Variants in KCNIP4 observed in about 807,000 individuals in gnomAD.
The protein encoded by KCNIP4 is potassium voltage-gated channel interacting protein 4, also known as Kv channel-interacting protein 4.
Under a neutral mutation model 34.0 loss-of-function variants are expected in KCNIP4, and 12 were observed. The observed-to-expected ratio is 0.35, with a 90% confidence interval of 0.23 to 0.57. The LOEUF is 0.57. Ranked by LOEUF, KCNIP4 falls within the 20% of genes least tolerant of loss-of-function variation. The pLI, the probability that KCNIP4 is intolerant of heterozygous loss-of-function variation, is 0.83. For synonymous variants in KCNIP4, 124 were observed against 102.2 expected, an observed-to-expected ratio of 1.21 and a Z score of -1.29; for missense variants, 238 against 311.7, an observed-to-expected ratio of 0.76 and a Z score of 1.78.
chr4:21,884,429 C>T (rs924829923), intron 1 of KCNIP4, among the ~76,000 whole-genome samples: 2 of 152,042 alleles, frequency 1.3e-5, no homozygotes, highest in Non-Finnish European at 2.9e-5. Context: ...TCTAGCCCCA[C>T]AGTTAGAGGC....
At chr4:21,454,763 C>G (rs73105836) in intron 1 of KCNIP4, among the ~76,000 whole-genome samples, 5,228 of 152,162 alleles carry the variant, frequency 0.034, 116 homozygotes, top group South Asian at 0.043. Context: ...TATTGATGCT[C>G]TCTTATTTTC....
chr4:20,863,655 A>G (rs1722446689), intron 2 of KCNIP4, among the ~76,000 whole-genome samples: 1 of 152,140 alleles, frequency 6.6e-6, no homozygotes, highest in Non-Finnish European at 1.5e-5. Context: ...ACGCCCAGGA[A>G]TGAACAAGGA....
intron 1 of KCNIP4, among the ~76,000 whole-genome samples, chr4:21,263,971 G>A (rs1156438636): frequency 6.7e-6 from 1 of 149,304 alleles, no homozygotes; most frequent in African/African-American, 2.4e-5. Flanking sequence ...ATATATACGT[G>A]TGTGTGTGTG....
intron 1 of KCNIP4, among the ~76,000 whole-genome samples, chr4:20,920,229 A>G (rs188277774): frequency 1.3e-5 from 2 of 152,166 alleles, no homozygotes; most frequent in African/African-American, 4.8e-5. Context: ...AAAACCATTC[A>G]TTTCACGTGA....
At chr4:21,254,540 T>A (rs1760929266) in intron 1 of KCNIP4, among the ~76,000 whole-genome samples, 1 of 152,214 alleles carries the variant, frequency 6.6e-6, no homozygotes, top group Non-Finnish European at 1.5e-5. Flanking sequence ...TATTTTTAAT[T>A]GACAAATAAA....
At chr4:21,583,176 A>C (rs1741363958) in intron 1 of KCNIP4, among the ~76,000 whole-genome samples, 1 of 151,986 alleles carries the variant, frequency 6.6e-6, no homozygotes, top group Admixed American at 6.6e-5. Flanking sequence ...GGATTTTACA[A>C]ATTAAGCATT....
intron 3 of KCNIP4, among the ~76,000 whole-genome samples, chr4:20,781,172 G>T (rs1157616): frequency 3.9e-5 from 6 of 152,098 alleles, no homozygotes; most frequent in South Asian, 4.1e-4. Context: ...AAGACCAGTC[G>T]GAAGATGAAA....
chr4:21,147,121 C>T (rs543409873), intron 1 of KCNIP4, among the ~76,000 whole-genome samples: 19 of 152,266 alleles, frequency 1.2e-4, no homozygotes, highest in Non-Finnish European at 4.4e-5. Flanking sequence ...CTAGGGAGTG[C>T]CTGGCCTGAG....
At chr4:21,738,605 A>G (rs888135961) in intron 1 of KCNIP4, among the ~76,000 whole-genome samples, 2 of 152,188 alleles carry the variant, frequency 1.3e-5, no homozygotes, top group Non-Finnish European at 2.9e-5. Flanking sequence ...CCTGCTTTTC[A>G]CAGTGTCTCT....
intron 1 of KCNIP4, among the ~76,000 whole-genome samples, chr4:21,551,103 G>T (rs1244018299): frequency 3.9e-5 from 6 of 152,012 alleles, no homozygotes; most frequent in Non-Finnish European, 8.8e-5. Flanking sequence ...AGAGAAAAAT[G>T]GAGATAGACG....
chr4:21,941,140 G>T (rs1037208457), intron 1 of KCNIP4, among the ~76,000 whole-genome samples: 2 of 152,020 alleles, frequency 1.3e-5, no homozygotes, highest in Non-Finnish European at 2.9e-5. Flanking sequence ...ATGTAGATCG[G>T]TTTAAGAGCT....
At chr4:20,740,417 C>T (rs1750782704) in intron 5 of KCNIP4, among the ~76,000 whole-genome samples, 1 of 152,084 alleles carries the variant, frequency 6.6e-6, no homozygotes, top group Non-Finnish European at 1.5e-5. Flanking sequence ...AGAGTGGGGG[C>T]CAATATTCAA....
intron 1 of KCNIP4, among the ~76,000 whole-genome samples, chr4:21,530,271 CTAGGT>C (rs1736566849): frequency 6.6e-6 from 1 of 152,088 alleles, no homozygotes; most frequent in African/African-American, 2.4e-5. Flanking sequence ...CTTTTGTTTC[CTAGGT>C]TATACAGCTC....
intron 5 of KCNIP4, among the ~76,000 whole-genome samples, chr4:20,736,777 T>A (rs1749728933): frequency 6.6e-6 from 1 of 152,230 alleles, no homozygotes; most frequent in Non-Finnish European, 1.5e-5. Flanking sequence ...AGACCTTTTT[T>A]AGCAAAAATG....
chr4:21,344,436 CAAAGGTCTTGG>C (rs907470819), intron 1 of KCNIP4, among the ~76,000 whole-genome samples: 12 of 151,970 alleles, frequency 7.9e-5, no homozygotes, highest in African/African-American at 2.7e-4. Context: ...TTGCAATAGC[CAAAGGTCTTGG>C]AAACCAAATT....
chr4:21,766,603 A>G (rs1164323164), intron 1 of KCNIP4, among the ~76,000 whole-genome samples: 1 of 152,164 alleles, frequency 6.6e-6, no homozygotes, highest in African/African-American at 2.4e-5. Flanking sequence ...TCATAGTTTA[A>G]AAAGTTCTTA....
At chr4:21,207,530 T>C (rs973164408) in intron 1 of KCNIP4, among the ~76,000 whole-genome samples, 1 of 152,228 alleles carries the variant, frequency 6.6e-6, no homozygotes, top group African/African-American at 2.4e-5. Context: ...AACCATCTAG[T>C]AGTCTTAGGC....
intron 1 of KCNIP4, among the ~76,000 whole-genome samples, chr4:21,330,455 T>C (rs1715517742): frequency 6.6e-6 from 1 of 152,212 alleles, no homozygotes; most frequent in Admixed American, 6.5e-5. Context: ...ATTCTGATTA[T>C]ATGAATTCCA....
intron 1 of KCNIP4, among the ~76,000 whole-genome samples, chr4:21,435,813 G>T (rs1226887612): frequency 6.6e-6 from 1 of 152,118 alleles, no homozygotes; most frequent in East Asian, 1.9e-4. Flanking sequence ...TGTTATCAAC[G>T]ACTTCTACTG....
Sources: gnomAD v4.1 joint callset for allele counts (sites outside exome capture counted in the v4.1 genomes callset) on GRCh38, gnomAD v4.1.1 for gene constraint, MANE v1.5 for transcripts, NCBI Gene and HGNC (gene_info 2026-07-23, HGNC 2026-07-21) for gene names.